The following KCNIP4 variants were observed in gnomAD, a reference collection of about 807,000 sequenced individuals.
KCNIP4 encodes the protein Kv channel-interacting protein 4.
In KCNIP4, 12 loss-of-function variants were observed where a neutral mutation model predicts 34.0. That is an observed-to-expected ratio of 0.35 (90% CI 0.23 to 0.57). The LOEUF (loss-of-function observed/expected upper bound fraction) is 0.57, where lower values mean the gene tolerates loss of function less well. Ranked by LOEUF, KCNIP4 falls within the 20% of genes least tolerant of loss-of-function variation. KCNIP4 has a pLI of 0.83. For synonymous variants in KCNIP4, 124 were observed against 102.2 expected (o/e 1.21, Z -1.29); for missense variants, 238 against 311.7 (o/e 0.76, Z 1.78).
intron 1 of KCNIP4, among the ~76,000 whole-genome samples, chr4:21,829,612 C>T (rs1438116010): frequency 1.3e-5 from 2 of 151,886 alleles, no homozygotes; most frequent in Non-Finnish European, 2.9e-5. Flanking sequence ...TTAAGTTGTC[C>T]TCAGTTTAAA....
chr4:21,511,099 T>G (rs944676476), intron 1 of KCNIP4, among the ~76,000 whole-genome samples: 1 of 152,100 alleles, frequency 6.6e-6, no homozygotes, highest in East Asian at 1.9e-4. Flanking sequence ...GTATATAGTA[T>G]GCATTCAGCA....
chr4:21,686,363 C>A (rs1473327952), intron 1 of KCNIP4, among the ~76,000 whole-genome samples: 1 of 151,880 alleles, frequency 6.6e-6, no homozygotes, highest in African/African-American at 2.4e-5. Context: ...GATAGTACAG[C>A]CAAGGCGGTA....
chr4:21,174,915 A>G (rs1238203256), intron 1 of KCNIP4, among the ~76,000 whole-genome samples: 2 of 147,104 alleles, frequency 1.4e-5, no homozygotes, highest in African/African-American at 5.0e-5. Context: ...AAAAAAAAAA[A>G]GAAAAAAAAA....
chr4:21,857,730 G>T (rs542253190), intron 1 of KCNIP4, among the ~76,000 whole-genome samples: 1 of 152,318 alleles, frequency 6.6e-6, no homozygotes, highest in South Asian at 2.1e-4. Context: ...CTTCCTGGCT[G>T]CAGGACAAGA....
rs189552952 is a variant in KCNIP4 at position 21,677,162 on chromosome 4, C to T, written c.61+271409G>A. Among the ~76,000 whole-genome samples, 374 of 152,204 alleles carry T rather than the reference C, an allele frequency of 2.5e-3. 1 individual carries two copies. The highest frequency in any genetic ancestry group is 4.1e-3 in the Non-Finnish European group (280 of 68,020). ...AATTACATAAGTTAAAATCCAGATTCTGAGTCCCTCAGACCACTTAGGGAT... is the reference window on the plus strand; with the variant it reads ...AATTACATAAGTTAAAATCCAGATTTTGAGTCCCTCAGACCACTTAGGGAT... On this transcript the variant is annotated intron_variant, in intron 1 of 8. Transcript: ENST00000382152.
chr4:20,920,937 CA>C (rs1326184467), intron 1 of KCNIP4, among the ~76,000 whole-genome samples: 3 of 152,048 alleles, frequency 2.0e-5, no homozygotes, highest in African/African-American at 7.2e-5. Flanking sequence ...TGCAGTGAGC[CA>C]AGTCACGCCA....
At position 21,098,859 on chromosome 4, in the gene KCNIP4, A is replaced by G. The variant is rs950305268; in HGVS notation, c.62-216150T>C. Among the ~76,000 whole-genome samples the G allele has an allele frequency of 6.6e-5, 10 of 152,338 alleles. No homozygotes were observed. In the South Asian group the frequency reaches 8.3e-4, roughly 13 times the overall value. On this transcript the variant is annotated intron_variant, in intron 1 of 8. Coordinates refer to ENST00000382152, the MANE Select transcript of KCNIP4 (RefSeq NM_025221.6). ...AGACATTTATGTGGCCAACAAACATATGAAAAAAAGCTCAACATCACTGAT... is the reference window on the plus strand; with the variant it reads ...AGACATTTATGTGGCCAACAAACATGTGAAAAAAAGCTCAACATCACTGAT...
chr4:21,473,712 A>AATCTTTTTTTTTTT (rs1560440500), intron 1 of KCNIP4, among the ~76,000 whole-genome samples: 1 of 146,578 alleles, frequency 6.8e-6, no homozygotes, highest in Non-Finnish European at 1.5e-5. Context: ...AAGACTGAGA[A>AATCTTTTTTTTTTT]TTCTTTTTTT....
At chr4:21,024,898 C>T (rs1260060655) in intron 1 of KCNIP4, among the ~76,000 whole-genome samples, 1 of 152,080 alleles carries the variant, frequency 6.6e-6, no homozygotes, top group Admixed American at 6.6e-5. Flanking sequence ...AACCCTTCAT[C>T]AAATTTTTTT....
chr4:21,102,045 C>A (rs1267040290), intron 1 of KCNIP4, among the ~76,000 whole-genome samples: 1 of 152,140 alleles, frequency 6.6e-6, no homozygotes, highest in African/African-American at 2.4e-5. Flanking sequence ...GTGATTCACC[C>A]TGCAATCCTT....
intron 1 of KCNIP4, among the ~76,000 whole-genome samples, chr4:21,678,081 T>A (rs1011591672): frequency 6.6e-6 from 1 of 152,114 alleles, no homozygotes; most frequent in Non-Finnish European, 1.5e-5. Flanking sequence ...CCCTCCATAG[T>A]ATGGGCCAGA....
chr4:21,250,633 C>A (rs1560215906), intron 1 of KCNIP4, among the ~76,000 whole-genome samples: 1 of 152,002 alleles, frequency 6.6e-6, no homozygotes, highest in Non-Finnish European at 1.5e-5. Flanking sequence ...ACTTAAATTA[C>A]AAACAGAAAA....
chr4:21,434,060 G>A (rs1726736256), intron 1 of KCNIP4, among the ~76,000 whole-genome samples: 2 of 152,146 alleles, frequency 1.3e-5, no homozygotes, highest in African/African-American at 4.8e-5. Context: ...TCTCAGCTCA[G>A]AAGTAACCTG....
intron 3 of KCNIP4, among the ~76,000 whole-genome samples, chr4:20,773,308 C>T (rs1381928647): frequency 6.6e-6 from 1 of 152,154 alleles, no homozygotes; most frequent in Admixed American, 6.5e-5. Flanking sequence ...TTGCCTTCTC[C>T]TAGTGCTTCT....
At chr4:21,538,802 C>T (rs369785542) in intron 1 of KCNIP4, among the ~76,000 whole-genome samples, 9 of 152,248 alleles carry the variant, frequency 5.9e-5, no homozygotes, top group African/African-American at 1.4e-4. Context: ...GAATGTGGCA[C>T]GACTGAAAAC....
intron 1 of KCNIP4, among the ~76,000 whole-genome samples, chr4:21,488,847 C>T (rs544000719): frequency 3.5e-4 from 54 of 152,166 alleles, no homozygotes; most frequent in African/African-American, 1.2e-3. Flanking sequence ...GTTGAGATAT[C>T]AGTATCCAGA....
chr4:21,065,759 T>C (rs899079206), intron 1 of KCNIP4, among the ~76,000 whole-genome samples: 2 of 122,042 alleles, frequency 1.6e-5, no homozygotes, highest in African/African-American at 5.7e-5. Flanking sequence ...TATATATATA[T>C]ATATATAACT....
In KCNIP4 at chr4:21,783,892, C is replaced by T. The variant is rs773668898; in HGVS notation, c.61+164679G>A. 6.6e-5 allele frequency among the ~76,000 whole-genome samples: 10 copies of T among 152,040 alleles called. No individual in the cohort carries two copies. The South Asian group carries it at 8.3e-4, about 13-fold the overall frequency. On this transcript the variant is annotated intron_variant, in intron 1 of 8. Transcript: ENST00000382152. ...TACAAAACTGAAATATCAAAAGTAG[C>T]AGCATAATTACATTATTTGACCAAA...
chr4:21,773,520 A>G (rs1265310201), intron 1 of KCNIP4, among the ~76,000 whole-genome samples: 1 of 152,162 alleles, frequency 6.6e-6, no homozygotes, highest in African/African-American at 2.4e-5. Context: ...GTGGGGTATT[A>G]AAGTCTCCCA....
Sources: allele counts gnomAD v4.1 joint callset (sites outside exome capture counted in the v4.1 genomes callset), GRCh38; gene constraint gnomAD v4.1.1; transcripts MANE v1.5; gene names NCBI Gene and HGNC (gene_info 2026-07-23, HGNC 2026-07-21).